NUP160: variants seen among roughly 807,000 people sequenced by gnomAD.
NUP160 encodes nucleoporin 160, also known as nuclear pore complex protein Nup160.
A neutral mutation model predicts 196.9 loss-of-function variants in NUP160; 94 were observed. The observed-to-expected ratio is 0.48, with a 90% CI of 0.40 to 0.57. The LOEUF (loss-of-function observed/expected upper bound fraction) is 0.57, where lower values mean the gene tolerates loss of function less well. NUP160 is among the 20% of genes least tolerant of loss of function. The pLI, the probability that NUP160 is intolerant of heterozygous loss-of-function variation, is 0.00. For synonymous variants in NUP160, 605 were observed against 619.7 expected, an observed-to-expected ratio of 0.98 and a Z score of 0.35; for missense variants, 1,638 against 1,748.3, an observed-to-expected ratio of 0.94 and a Z score of 1.13.
chr11:47,806,987 G>A (rs2097678127), intron 19 of NUP160, 83 bp downstream of exon 19: 2 of 978,978 alleles, frequency 2.0e-6, no homozygotes, highest in East Asian at 4.8e-5. Flanking sequence ...CCTTTCTATG[G>A]CAAAGGTGGC....
intron 4 of NUP160, among the ~76,000 whole-genome samples, chr11:47,838,412 C>T (rs891276895): frequency 2.6e-5 from 4 of 152,126 alleles, no homozygotes; most frequent in Admixed American, 6.6e-5. Flanking sequence ...TTGAATCCCA[C>T]CTTGGGTCAT....
intron 15 of NUP160, 66 bp from the exon 16 acceptor site, chr11:47,812,495 A>G: frequency 7.0e-7 from 1 of 1,421,280 alleles, no homozygotes; most frequent in Non-Finnish European, 9.6e-7. Context: ...TATATGTCCT[A>G]TAAGCTAAAT....
intron 2 of NUP160, among the ~76,000 whole-genome samples, chr11:47,844,242 AC>A (rs1284786848): frequency 3.3e-5 from 5 of 152,102 alleles, no homozygotes; most frequent in African/African-American, 1.2e-4. Flanking sequence ...GTCTCCCTGC[AC>A]CTACCCTTTC....
intron 13 of NUP160, among the ~76,000 whole-genome samples, chr11:47,814,383 A>C (rs562964860): frequency 3.7e-4 from 57 of 152,098 alleles, no homozygotes; most frequent in Non-Finnish European, 7.8e-4. Context: ...TCTCTATTAA[A>C]AATACAAAAC....
At position 47,815,512 on chromosome 11, in the gene NUP160, A is replaced by G. The variant is rs556858755; in HGVS notation, c.1653T>C (p.Asn551=). The change falls in exon 13 of 36, where the codon AAT becomes AAC. Residue 551 remains asparagine, a synonymous_variant. Transcript: ENST00000378460. ...GCAGGCACACCATGTTTGTGTGTGG[A>G]TTCAAATGTAGGGCAAGAGGGTGAG... 3.7e-6 allele frequency: 6 copies of G among 1,608,284 alleles called. No individual in the cohort carries two copies. The African/African-American group carries it at 8.0e-5, about 22-fold the overall frequency.
At chr11:47,848,466 A>G in exon 1 of NUP160, 1 of 1,426,722 alleles carries the variant, frequency 7.0e-7, no homozygotes, top group Non-Finnish European at 9.3e-7. Context: ...CGAGGCTTCC[A>G]CCGGGAGAAT....
exon 8 of NUP160, chr11:47,822,150 C>A (rs1421508642): frequency 1.9e-6 from 3 of 1,606,064 alleles, no homozygotes; most frequent in Non-Finnish European, 2.6e-6. Context: ...TGCTCACCAA[C>A]TGGAAAATGC....
chr11:47,843,823 T>G (rs1365152360), intron 2 of NUP160, among the ~76,000 whole-genome samples: 2 of 152,234 alleles, frequency 1.3e-5, no homozygotes, highest in African/African-American at 2.4e-5. Flanking sequence ...AAGCACGATC[T>G]AATGCCAACA....
chr11:47,824,272 T>C (rs916989431), intron 7 of NUP160, among the ~76,000 whole-genome samples: 13 of 151,694 alleles, frequency 8.6e-5, no homozygotes, highest in Non-Finnish European at 1.8e-4. Context: ...ATTGTAGATA[T>C]CCTAATAGAT....
Position 47,839,831 on chromosome 11 carries a change from TC to T in NUP160, c.748+11del. ...GTTTAAAGTTAAATCCATGCTCAGT[TC>T]CCATTCTTACCAGGTATGTCATAAG... is the stretch of plus-strand genomic sequence containing the variant. On this transcript the variant is annotated intron_variant, in intron 4 of 35. Transcript: ENST00000378460. 1 of 1,596,318 alleles carries T rather than the reference TC, an allele frequency of 6.3e-7. No individual in the cohort carries two copies. Among genetic ancestry groups the T allele is most frequent in the Non-Finnish European group, 8.6e-7 (1 of 1,163,932 alleles).
intron 20 of NUP160, 139 bp from the exon 21 acceptor site, chr11:47,804,757 T>C (rs1366265801): frequency 1.8e-6 from 1 of 569,864 alleles, no homozygotes; most frequent in Non-Finnish European, 3.1e-6. Flanking sequence ...CACATGTTCT[T>C]TCATCATCAC....
rs563156493 is a variant in NUP160, at chr11:47,801,075, A to C, written c.2895+736T>G. The stretch of plus-strand genomic sequence containing the variant: ...AAGAAGGTCACCATTGTTACAATGG[A>C]GTGACCAGAGGAAAGAGGGGCAGGA... On this transcript the variant is annotated intron_variant, in intron 23 of 35. Coordinates refer to ENST00000378460, the Ensembl canonical transcript of NUP160. 1.2e-4 allele frequency among the ~76,000 whole-genome samples: 19 copies of C among 152,286 alleles called. No individual in the cohort carries two copies. In the South Asian group the frequency reaches 3.5e-3, roughly 28 times the overall value.
chr11:47,783,418 C>CA (rs1187056566), intron 33 of NUP160, among the ~76,000 whole-genome samples: 1 of 152,048 alleles, frequency 6.6e-6, no homozygotes, highest in Non-Finnish European at 1.5e-5. Context: ...TACCTCTAGG[C>CA]AGTTTGGGAG....
intron 29 of NUP160, among the ~76,000 whole-genome samples, chr11:47,789,365 A>C (rs1404657172): frequency 1.3e-5 from 2 of 152,076 alleles, no homozygotes; most frequent in Non-Finnish European, 2.9e-5. Context: ...TAAGAAAGAA[A>C]TATGACCAAA....
chr11:47,807,073 A>G (rs746806007), exon 19 of NUP160: 25 of 1,602,704 alleles, frequency 1.6e-5, no homozygotes, highest in Non-Finnish European at 2.0e-5. Flanking sequence ...TCCTTACCAA[A>G]CCTATTTGCC....
intron 7 of NUP160, 140 bp from the exon 8 acceptor site, chr11:47,822,304 C>T: frequency 2.0e-6 from 1 of 499,024 alleles, no homozygotes. Flanking sequence ...GTTGCCCAGG[C>T]TGGAGTGCAA....
At chr11:47,817,975 T>C in intron 11 of NUP160, 81 bp downstream of exon 11, 2 of 747,826 alleles carry the variant, frequency 2.7e-6, no homozygotes, top group Non-Finnish European at 4.5e-6. Context: ...GTGTTTAATA[T>C]ATGCAAAAAC....
At chr11:47,811,552 G>A (rs1426041794) in intron 17 of NUP160, among the ~76,000 whole-genome samples, 2 of 151,938 alleles carry the variant, frequency 1.3e-5, no homozygotes, top group African/African-American at 4.8e-5. Context: ...ATACTAAAGG[G>A]TATGCTTACC....
At chr11:47,814,900 T>C (rs2097683420) in intron 13 of NUP160, among the ~76,000 whole-genome samples, 2 of 152,174 alleles carry the variant, frequency 1.3e-5, no homozygotes, top group Non-Finnish European at 1.5e-5. Flanking sequence ...GTGCTATTCT[T>C]GTAACTCTTA....
Sources: gnomAD v4.1 joint callset for allele counts (sites outside exome capture counted in the v4.1 genomes callset) on GRCh38, gnomAD v4.1.1 for gene constraint, MANE v1.5 for transcripts, NCBI Gene and HGNC (gene_info 2026-07-23, HGNC 2026-07-21) for gene names.